The following ADAMTS9 variants were observed in gnomAD, a reference collection of about 807,000 sequenced individuals.
ADAMTS9 encodes the protein A disintegrin and metalloproteinase with thrombospondin motifs 9.
ADAMTS9 carries 107 observed loss-of-function variants against 257.1 expected under a neutral mutation model. The observed-to-expected ratio is 0.42, with a 90% CI of 0.36 to 0.49. The LOEUF (loss-of-function observed/expected upper bound fraction) is 0.49. ADAMTS9 is among the 20% of genes least tolerant of loss of function. ADAMTS9 has a pLI of 0.03. For missense variants in ADAMTS9, 2,353 were observed against 2,469.1 expected, an observed-to-expected ratio of 0.95 and a Z score of 1.00; for synonymous variants, 982 against 880.9, an observed-to-expected ratio of 1.11 and a Z score of -2.03.
At chr3:64,614,490 A>G (rs1168400332) in intron 21 of ADAMTS9, among the ~76,000 whole-genome samples, 1 of 152,218 alleles carries the variant, frequency 6.6e-6, no homozygotes, top group Non-Finnish European at 1.5e-5. Context: ...ATGGGATAAG[A>G]GCATGGATGT....
rs529757362 is a variant in ADAMTS9, at chr3:64,544,634, A to C, written c.5064+2124T>G. 7.9e-5 allele frequency among the ~76,000 whole-genome samples: 12 copies of C among 152,326 alleles called. No individual in the cohort carries two copies. The South Asian group carries it at 2.3e-3, about 29-fold the overall frequency. On this transcript the variant is annotated intron_variant, in intron 32 of 39. Transcript: ENST00000498707. The stretch of plus-strand genomic sequence containing the variant: ...TAATTCAAGATGGATTAAAGACTTA[A>C]ATGTTAGACCTAAAACCATAAAAAC...
intron 12 of ADAMTS9, 21 bp downstream of exon 12, chr3:64,641,827 G>C: frequency 6.2e-7 from 1 of 1,613,264 alleles, no homozygotes; most frequent in Non-Finnish European, 8.5e-7. Flanking sequence ...AGTAATAACA[G>C]TTATACATTC....
intron 14 of ADAMTS9, among the ~76,000 whole-genome samples, chr3:64,632,787 T>C (rs1265886315): frequency 3.4e-5 from 5 of 146,742 alleles, no homozygotes; most frequent in Non-Finnish European, 7.5e-5. Flanking sequence ...TTCAATCAAA[T>C]CCTTCCAACC....
chr3:64,633,958 T>A (rs1048349374), intron 12 of ADAMTS9, 79 bp from the exon 13 acceptor site: 18 of 1,308,552 alleles, frequency 1.4e-5, no homozygotes, highest in African/African-American at 2.9e-5. Context: ...CATTCATGAC[T>A]TCCTGTCTTC....
intron 26 of ADAMTS9, among the ~76,000 whole-genome samples, chr3:64,598,536 T>C (rs2084404479): frequency 6.6e-6 from 1 of 152,070 alleles, no homozygotes; most frequent in African/African-American, 2.4e-5. Context: ...CCCCAACTGG[T>C]CTCGAACTCT....
At position 64,546,736 on chromosome 3, in the gene ADAMTS9, G is replaced by T. The variant is rs376469101; in HGVS notation, c.5064+22C>A. ...TTGAGATCCAAGGGCTTTCAGATTT[G>T]AGTGCTCAGTCTTCTACTTACGCTC... On this transcript the variant is annotated intron_variant, in intron 32 of 39. Coordinates refer to ENST00000498707, the MANE Select transcript of ADAMTS9 (RefSeq NM_182920.2). 207 of 1,564,126 alleles carry T rather than the reference G, an allele frequency of 1.3e-4. 1 individual carries two copies. The highest frequency in any genetic ancestry group is 2.4e-5 in the Non-Finnish European group (28 of 1,156,526).
chr3:64,623,879 A>C (rs928448741), intron 16 of ADAMTS9, among the ~76,000 whole-genome samples: 3 of 152,304 alleles, frequency 2.0e-5, no homozygotes, highest in African/African-American at 7.2e-5. Flanking sequence ...GAATGAATGA[A>C]TCTACTCCAG....
intron 3 of ADAMTS9, among the ~76,000 whole-genome samples, chr3:64,663,428 C>CTT (rs10712747): frequency 1.6e-4 from 20 of 127,538 alleles, no homozygotes; most frequent in African/African-American, 4.6e-4. Context: ...GTATGGAATT[C>CTT]TTTTTTTTTT....
At chr3:64,616,289 G>A in intron 19 of ADAMTS9, 119 bp from the exon 20 acceptor site, 11 of 1,063,820 alleles carry the variant, frequency 1.0e-5, no homozygotes, top group Non-Finnish European at 1.5e-5. Flanking sequence ...CGAATACCAT[G>A]AAGCCCAAAG....
intron 28 of ADAMTS9, among the ~76,000 whole-genome samples, chr3:64,579,842 G>A (rs76471816): frequency 0.018 from 2,752 of 152,244 alleles, 79 homozygotes; most frequent in African/African-American, 0.063. Context: ...ACATATTCTT[G>A]TGGTTTAATA....
At chr3:64,684,167 G>T (rs892975018) in intron 2 of ADAMTS9, among the ~76,000 whole-genome samples, 2 of 152,170 alleles carry the variant, frequency 1.3e-5, no homozygotes, top group African/African-American at 4.8e-5. Flanking sequence ...CTGGACATGT[G>T]GATGTGAGTG....
At chr3:64,585,474 T>G (rs532216015) in intron 28 of ADAMTS9, among the ~76,000 whole-genome samples, 1 of 152,312 alleles carries the variant, frequency 6.6e-6, no homozygotes, top group African/African-American at 2.4e-5. Flanking sequence ...CTCCTATAGC[T>G]TAATTTTAGC....
At chr3:64,541,491 C>T (rs769856286) in intron 34 of ADAMTS9, 35 bp downstream of exon 34, 3 of 1,609,110 alleles carry the variant, frequency 1.9e-6, no homozygotes, top group East Asian at 4.5e-5. Context: ...ACTCTAAAAA[C>T]ATTCTTGAAA....
intron 37 of ADAMTS9, among the ~76,000 whole-genome samples, chr3:64,538,432 C>T (rs1310622024): frequency 1.3e-5 from 2 of 151,010 alleles, no homozygotes; most frequent in East Asian, 3.9e-4. Context: ...TGGTTTCATG[C>T]TTACTCTGAA....
At chr3:64,591,488 A>T (rs532227855) in intron 28 of ADAMTS9, among the ~76,000 whole-genome samples, 1 of 152,236 alleles carries the variant, frequency 6.6e-6, no homozygotes, top group South Asian at 2.1e-4. Flanking sequence ...CCAAAAAAAG[A>T]GTCCAAAGGC....
intron 10 of ADAMTS9, among the ~76,000 whole-genome samples, chr3:64,649,294 T>A (rs1368393496): frequency 1.3e-5 from 2 of 152,136 alleles, no homozygotes; most frequent in African/African-American, 4.8e-5. Context: ...TCGAAGGGCA[T>A]TAAAGGCAAC....
intron 8 of ADAMTS9, among the ~76,000 whole-genome samples, chr3:64,652,593 C>T (rs1291782955): frequency 6.6e-6 from 1 of 152,164 alleles, no homozygotes; most frequent in East Asian, 1.9e-4. Context: ...TTTATTACCT[C>T]ATGTAAATAA....
intron 29 of ADAMTS9, chr3:64,563,452 C>A (rs972976999): frequency 2.0e-5 from 3 of 151,868 alleles, no homozygotes; most frequent in Admixed American, 6.6e-5. Flanking sequence ...CAACTATATG[C>A]AGAATCTCAT....
intron 28 of ADAMTS9, among the ~76,000 whole-genome samples, chr3:64,593,948 G>A (rs1393566513): frequency 9.1e-6 from 1 of 109,720 alleles, no homozygotes; most frequent in Admixed American, 8.6e-5. Context: ...CACTATGTAT[G>A]TGTGTGTGTA....
Sources: allele counts gnomAD v4.1 joint callset (sites outside exome capture counted in the v4.1 genomes callset), GRCh38; gene constraint gnomAD v4.1.1; transcripts MANE v1.5; gene names NCBI Gene and HGNC (gene_info 2026-07-23, HGNC 2026-07-21).